ENOX1: variants seen among roughly 807,000 people sequenced by gnomAD.
The protein encoded by ENOX1 is candidate growth-related and time keeping constitutive hydroquinone (NADH) oxidase.
ENOX1 carries 42 observed loss-of-function variants against 82.5 expected under a neutral mutation model. The ratio of observed to expected loss-of-function variants is 0.51; its 90% CI spans 0.40 to 0.66. The LOEUF (loss-of-function observed/expected upper bound fraction) is 0.66. Ranked by LOEUF, ENOX1 falls within the 30% of genes least tolerant of loss-of-function variation. The pLI, the probability that ENOX1 is intolerant of heterozygous loss-of-function variation, is 0.00. For missense variants in ENOX1, 608 were observed against 811.6 expected, an observed-to-expected ratio of 0.75 and a Z score of 3.05; for synonymous variants, 271 against 282.2, an observed-to-expected ratio of 0.96 and a Z score of 0.40.
chr13:43,366,067 A>G (rs2050827181), intron 5 of ENOX1, among the ~76,000 whole-genome samples: 1 of 152,260 alleles, frequency 6.6e-6, no homozygotes, highest in Non-Finnish European at 1.5e-5. Flanking sequence ...AAACTTTTTC[A>G]GAAGTCTCCT....
intron 5 of ENOX1, among the ~76,000 whole-genome samples, chr13:43,366,092 G>C (rs1242600016): frequency 6.6e-6 from 1 of 152,182 alleles, no homozygotes; most frequent in African/African-American, 2.4e-5. Flanking sequence ...CAATTGACAA[G>C]TCTTGTTGTT....
Position 43,496,517 on chromosome 13 carries a change from G to C in ENOX1, c.-218-12365C>G, listed in dbSNP as rs1005910682. Among the ~76,000 whole-genome samples the C allele has an allele frequency of 2.6e-4, 39 of 151,992 alleles. 1 individual carries two copies. The highest frequency in any genetic ancestry group is 9.2e-4 in the African/African-American group (38 of 41,460). ...CCTGCCTCAGCTTCCCAAGTAGCTG[G>C]AACTACTGATGTGCACCACCATGCT... On this transcript the variant is annotated intron_variant, in intron 2 of 16. Coordinates refer to ENST00000690772, the MANE Select transcript of ENOX1 (RefSeq NM_001347969.2).
chr13:43,641,863 T>C (rs2083669407), intron 2 of ENOX1, among the ~76,000 whole-genome samples: 1 of 152,150 alleles, frequency 6.6e-6, no homozygotes, highest in Non-Finnish European at 1.5e-5. Flanking sequence ...AGAAGTCTCA[T>C]GCGTCTATCA....
At chr13:43,773,602 G>A (rs1295835976) in intron 1 of ENOX1, among the ~76,000 whole-genome samples, 1 of 152,082 alleles carries the variant, frequency 6.6e-6, no homozygotes, top group Non-Finnish European at 1.5e-5. Flanking sequence ...ACTCTCACCT[G>A]GATAACCCCA....
intron 1 of ENOX1, among the ~76,000 whole-genome samples, chr13:43,670,542 C>CA (rs2085208102): frequency 6.6e-6 from 1 of 152,070 alleles, no homozygotes. Flanking sequence ...CCTTAAGACA[C>CA]AACTGAATTA....
At position 43,630,860 on chromosome 13, in the gene ENOX1, T is replaced by TACACACAC. The variant is rs373900524; in HGVS notation, c.-219+36611_-219+36618dup. ...CCACACACACACATATATATATATA[T>TACACACAC]ACACACACACACACATATATATACA... is the stretch of plus-strand genomic sequence containing the variant. On this transcript the variant is annotated intron_variant, in intron 2 of 16. Coordinates refer to ENST00000690772, the MANE Select transcript of ENOX1 (RefSeq NM_001347969.2). Among the ~76,000 whole-genome samples the TACACACAC allele has an allele frequency of 4.7e-3, 689 of 147,780 alleles. 3 individuals carry two copies. Among genetic ancestry groups the TACACACAC allele is most frequent in the East Asian group, 0.018 (89 of 4,952 alleles).
chr13:43,594,347 T>C (rs996572069), intron 2 of ENOX1, among the ~76,000 whole-genome samples: 1 of 152,232 alleles, frequency 6.6e-6, no homozygotes, highest in African/African-American at 2.4e-5. Context: ...TACACATACA[T>C]ACAATTCCTC....
Position 43,253,495 on chromosome 13 carries a change from T to A in ENOX1, c.1611+11903A>T, listed in dbSNP as rs370350817. On this transcript the variant is annotated intron_variant, in intron 14 of 16. Coordinates refer to ENST00000690772, the MANE Select transcript of ENOX1 (RefSeq NM_001347969.2). ...GAGCTGGAGAGTACCAGGCAAGGAA[T>A]CCTTGCCAAAGACCAATGTCAAAGA... Among the ~76,000 whole-genome samples the A allele has an allele frequency of 1.3e-3, 199 of 152,308 alleles. 1 individual carries two copies. The highest frequency in any genetic ancestry group is 4.6e-3 in the African/African-American group (191 of 41,572).
At chr13:43,695,351 G>A (rs1000864479) in intron 1 of ENOX1, among the ~76,000 whole-genome samples, 2 of 151,432 alleles carry the variant, frequency 1.3e-5, no homozygotes, top group African/African-American at 4.9e-5. Context: ...CCATCAAAGT[G>A]CTTTAACTGA....
Position 43,445,176 on chromosome 13 carries a change from C to T in ENOX1, c.-74-32188G>A, listed in dbSNP as rs1296699281. Among the ~76,000 whole-genome samples, 5 of 145,548 alleles carry T rather than the reference C, an allele frequency of 3.4e-5. No individual in the cohort carries two copies. In the East Asian group the frequency reaches 6.0e-4, roughly 17 times the overall value. ...TCTTGCTTTGTTGCCCAGGCTGGGG[C>T]ACAGTGGCACGATCTCGGCTCACTG... is the stretch of plus-strand genomic sequence containing the variant. On this transcript the variant is annotated intron_variant, in intron 3 of 16. Coordinates refer to ENST00000690772, the MANE Select transcript of ENOX1 (RefSeq NM_001347969.2).
intron 14 of ENOX1, among the ~76,000 whole-genome samples, chr13:43,255,916 C>G (rs1162803060): frequency 6.6e-6 from 1 of 152,014 alleles, no homozygotes; most frequent in Non-Finnish European, 1.5e-5. Flanking sequence ...CAGAAAAATA[C>G]TATGAAGCCA....
chr13:43,275,999 CACGATAATCTGGGAATATTT>C (rs1409883129), intron 12 of ENOX1, among the ~76,000 whole-genome samples: 1 of 152,152 alleles, frequency 6.6e-6, no homozygotes, highest in Non-Finnish European at 1.5e-5. Flanking sequence ...ACTGAATATT[CACGATAATCTGGGAATATTT>C]GAACCCACAG....
intron 15 of ENOX1, among the ~76,000 whole-genome samples, chr13:43,231,305 AG>A (rs1317937983): frequency 6.6e-6 from 1 of 152,210 alleles, no homozygotes; most frequent in Non-Finnish European, 1.5e-5. Context: ...GTAAGCCCTG[AG>A]GGGACAGTTG....
intron 5 of ENOX1, among the ~76,000 whole-genome samples, chr13:43,379,389 CA>C (rs1252152417): frequency 6.6e-6 from 1 of 151,824 alleles, no homozygotes; most frequent in Non-Finnish European, 1.5e-5. Flanking sequence ...AATTCGTAGA[CA>C]AAAATATTAA....
intron 2 of ENOX1, among the ~76,000 whole-genome samples, chr13:43,565,534 G>A (rs1282206397): frequency 6.6e-6 from 1 of 152,074 alleles, no homozygotes; most frequent in Admixed American, 6.6e-5. Flanking sequence ...GAAAGGGAAA[G>A]GACTAGGGGA....
chr13:43,533,979 C>T (rs1450680285), intron 2 of ENOX1, among the ~76,000 whole-genome samples: 23 of 152,022 alleles, frequency 1.5e-4, no homozygotes, highest in Non-Finnish European at 4.4e-5. Context: ...AACATTGATG[C>T]TGTTTATTCC....
At chr13:43,629,585 C>T (rs1289226776) in intron 2 of ENOX1, among the ~76,000 whole-genome samples, 1 of 152,152 alleles carries the variant, frequency 6.6e-6, no homozygotes, top group Non-Finnish European at 1.5e-5. Flanking sequence ...TCCAATTACT[C>T]GAAAGTGGAA....
intron 11 of ENOX1, among the ~76,000 whole-genome samples, chr13:43,308,575 C>T (rs2153516241): frequency 6.6e-6 from 1 of 152,306 alleles, no homozygotes; most frequent in Non-Finnish European, 1.5e-5. Flanking sequence ...CTTAAAAAGC[C>T]TTTGCAAGTG....
At chr13:43,513,958 T>C (rs1002026233) in intron 2 of ENOX1, among the ~76,000 whole-genome samples, 1 of 152,188 alleles carries the variant, frequency 6.6e-6, no homozygotes, top group Admixed American at 6.5e-5. Flanking sequence ...GTGAAATGTA[T>C]ATATTAATGC....
Sources: gnomAD v4.1 joint callset for allele counts (sites outside exome capture counted in the v4.1 genomes callset) on GRCh38, gnomAD v4.1.1 for gene constraint, MANE v1.5 for transcripts, NCBI Gene and HGNC (gene_info 2026-07-23, HGNC 2026-07-21) for gene names.